The following EDA variants were observed in gnomAD, a reference collection of about 807,000 sequenced individuals.
EDA encodes ectodysplasin A, also known as ectodysplasin-A.
In EDA, 2 loss-of-function variants were observed where a neutral mutation model predicts 23.6. The ratio of observed to expected loss-of-function variants is 0.08; its 90% CI spans 0.03 to 0.27. The LOEUF is 0.27. Among genes scored for constraint, EDA ranks in the 10% least tolerant of loss-of-function variants. EDA has a pLI of 1.00. For missense variants in EDA, 229 were observed against 324.2 expected (o/e 0.71, Z 2.26); for synonymous variants, 131 against 132.0 (o/e 0.99, Z 0.05).
chrX:69,808,459 G>A (rs2015866218), intron 1 of EDA, among the ~76,000 whole-genome samples: 1 of 111,535 alleles, frequency 9.0e-6, no homozygotes, highest in South Asian at 3.8e-4. Context: ...TAATTACATA[G>A]GCATGATTGA....
intron 1 of EDA, among the ~76,000 whole-genome samples, chrX:69,737,629 AATG>A (rs2013311737): frequency 8.9e-6 from 1 of 112,538 alleles, no homozygotes; most frequent in Non-Finnish European, 1.9e-5. Flanking sequence ...AGAATTAAAA[AATG>A]ATTACATATC....
chrX:69,657,579 G>A (rs1225384502), intron 1 of EDA, among the ~76,000 whole-genome samples: 1 of 111,808 alleles, frequency 8.9e-6, no homozygotes, highest in Non-Finnish European at 1.9e-5. Flanking sequence ...TATTTCCTAG[G>A]TTTTCTTCTA....
chrX:69,786,673 T>C (rs1420545855), intron 1 of EDA, among the ~76,000 whole-genome samples: 1 of 109,097 alleles, frequency 9.2e-6, no homozygotes, highest in Non-Finnish European at 1.9e-5. Flanking sequence ...TTATAATTTC[T>C]GTTCTTTTAC....
intron 1 of EDA, among the ~76,000 whole-genome samples, chrX:69,720,087 T>G (rs1007312122): frequency 1.1e-4 from 12 of 111,793 alleles, no homozygotes; most frequent in African/African-American, 3.9e-4. Flanking sequence ...GATGGGCACT[T>G]AGGTTGGTTC....
At chrX:69,625,320 A>G (rs1222788994) in intron 1 of EDA, among the ~76,000 whole-genome samples, 1 of 111,428 alleles carries the variant, frequency 9.0e-6, no homozygotes, top group Non-Finnish European at 1.9e-5. Flanking sequence ...CTAAAAAGTA[A>G]GTAAGAATTA....
intron 2 of EDA, among the ~76,000 whole-genome samples, chrX:69,962,124 G>A (rs753422649): frequency 5.2e-4 from 58 of 112,374 alleles, no homozygotes; most frequent in Admixed American, 1.2e-3. Context: ...GTTCTCTTCC[G>A]ATAGGAGCAT....
chrX:69,731,972 T>C (rs978607584), intron 1 of EDA, among the ~76,000 whole-genome samples: 4 of 111,629 alleles, frequency 3.6e-5, no homozygotes, highest in Non-Finnish European at 5.6e-5. Context: ...TTTATGAAGA[T>C]TAGATGTTGA....
chrX:70,017,034 A>G (rs1224385887), intron 2 of EDA, among the ~76,000 whole-genome samples: 2 of 107,396 alleles, frequency 1.9e-5, no homozygotes, highest in African/African-American at 3.3e-5. Flanking sequence ...ATTACCATCA[A>G]TACAACAGAA....
chrX:69,769,367 T>G (rs1270928799), intron 1 of EDA, among the ~76,000 whole-genome samples: 1 of 111,737 alleles, frequency 8.9e-6, no homozygotes, highest in Non-Finnish European at 1.9e-5. Context: ...TGGTATATCA[T>G]TTTTCATTCT....
chrX:69,914,298 G>A (rs1296236535), intron 1 of EDA, among the ~76,000 whole-genome samples: 1 of 111,378 alleles, frequency 9.0e-6, no homozygotes, highest in Non-Finnish European at 1.9e-5. Flanking sequence ...GATTAGAAGT[G>A]GAGCCATCCT....
intron 1 of EDA, among the ~76,000 whole-genome samples, chrX:69,692,208 T>C (rs1243102294): frequency 8.9e-6 from 1 of 111,947 alleles, no homozygotes; most frequent in Non-Finnish European, 1.9e-5. Flanking sequence ...GAACCCTATG[T>C]ACTGGTTTCA....
intron 1 of EDA, among the ~76,000 whole-genome samples, chrX:69,747,950 G>T (rs2013675190): frequency 9.0e-6 from 1 of 111,201 alleles, no homozygotes; most frequent in Admixed American, 9.5e-5. Flanking sequence ...GGTAAGGAGG[G>T]CAGTGAGAGA....
chrX:69,941,814 T>C (rs930781566), intron 1 of EDA, among the ~76,000 whole-genome samples: 9 of 111,342 alleles, frequency 8.1e-5, no homozygotes, highest in Non-Finnish European at 1.1e-4. Context: ...CTCCTGCCAT[T>C]TTATTACTTG....
chrX:69,935,789 T>C (rs1440990079), intron 1 of EDA, among the ~76,000 whole-genome samples: 1 of 110,045 alleles, frequency 9.1e-6, no homozygotes, highest in African/African-American at 3.3e-5. Flanking sequence ...TGGCTAAATA[T>C]TTCACAGTCT....
chrX:69,894,723 A>G (rs2017984783), intron 1 of EDA, among the ~76,000 whole-genome samples: 2 of 111,600 alleles, frequency 1.8e-5, no homozygotes, highest in South Asian at 7.5e-4. Context: ...CTGTTGATAT[A>G]TAGGAATGCT....
chrX:69,733,623 T>G (rs2013132667), intron 1 of EDA, among the ~76,000 whole-genome samples: 1 of 111,896 alleles, frequency 8.9e-6, no homozygotes, highest in South Asian at 3.7e-4. Context: ...AAGTAGTTTT[T>G]TCCAATTCTG....
intron 2 of EDA, among the ~76,000 whole-genome samples, chrX:70,008,998 A>G (rs2019838908): frequency 1.8e-5 from 2 of 111,591 alleles, no homozygotes; most frequent in Admixed American, 1.9e-4. Context: ...TCCTTGTGTG[A>G]GTTATGGTAG....
At chrX:69,871,616 C>T (rs747306077) in intron 1 of EDA, among the ~76,000 whole-genome samples, 1 of 111,898 alleles carries the variant, frequency 8.9e-6, no homozygotes, top group African/African-American at 3.2e-5. Flanking sequence ...CCTTCCCCAG[C>T]ATACTGACTG....
chrX:69,982,066 A>C (rs2019416571), intron 2 of EDA, among the ~76,000 whole-genome samples: 1 of 111,231 alleles, frequency 9.0e-6, no homozygotes, highest in Non-Finnish European at 1.9e-5. Flanking sequence ...TCAAGTGGAG[A>C]CATGGGACCT....
Sources: gnomAD v4.1 joint callset for allele counts (sites outside exome capture counted in the v4.1 genomes callset) on GRCh38, gnomAD v4.1.1 for gene constraint, MANE v1.5 for transcripts, NCBI Gene and HGNC (gene_info 2026-07-23, HGNC 2026-07-21) for gene names.